Variants in SYN3 observed in about 807,000 individuals in gnomAD.
The protein encoded by SYN3 is synapsin III, also known as synapsin-3.
SYN3 carries 35 observed loss-of-function variants against 65.8 expected under a neutral mutation model. That is an observed-to-expected ratio of 0.53 (90% CI 0.41 to 0.70). The LOEUF is 0.70. SYN3 is among the 30% of genes least tolerant of loss of function. The pLI is 0.00. For synonymous variants in SYN3, 270 were observed against 292.9 expected (o/e 0.92, Z 0.80); for missense variants, 680 against 749.0 (o/e 0.91, Z 1.08).
intron 1 of SYN3, among the ~76,000 whole-genome samples, chr22:33,017,927 C>T (rs1295105579): frequency 6.6e-6 from 1 of 152,044 alleles, no homozygotes; most frequent in Non-Finnish European, 1.5e-5. Context: ...AAGCAAGGCA[C>T]ATTTGAAGAA....
chr22:33,010,927 A>T (rs976464671), intron 1 of SYN3, among the ~76,000 whole-genome samples: 2 of 152,286 alleles, frequency 1.3e-5, no homozygotes, highest in African/African-American at 2.4e-5. Flanking sequence ...TGCTAGTATA[A>T]TATTATTTTC....
intron 6 of SYN3, among the ~76,000 whole-genome samples, chr22:32,840,096 AG>A (rs916181041): frequency 6.6e-6 from 1 of 152,142 alleles, no homozygotes; most frequent in Non-Finnish European, 1.5e-5. Context: ...ATCTCTGGGC[AG>A]GGAGGTTTTC....
chr22:32,766,341 T>A lies in SYN3; in HGVS notation c.711+98574A>T, dbSNP rs892221445. Among the ~76,000 whole-genome samples the A allele has an allele frequency of 4.6e-5, 7 of 152,208 alleles. No homozygotes were observed. In the South Asian group the frequency reaches 1.4e-3, roughly 32 times the overall value. ...AGGAAGAAACATGTACAATTTTCTT[T>A]ACCAAGAAATTCCCAGCACTGGAAA... On this transcript the variant is annotated intron_variant, in intron 6 of 13. Transcript: ENST00000358763.
chr22:32,634,011 C>T (rs1455754354), intron 6 of SYN3, among the ~76,000 whole-genome samples: 4 of 152,132 alleles, frequency 2.6e-5, no homozygotes. Context: ...CATCAAGGGA[C>T]TGCCACTGGG....
rs576570816 is a variant in SYN3 at position 32,618,994 on chromosome 22, T to A, written c.712-22258A>T. On this transcript the variant is annotated intron_variant, in intron 6 of 13. Coordinates refer to ENST00000358763, the MANE Select transcript of SYN3 (RefSeq NM_003490.4). ...GACTGCAAAATAATAGAGAGGACTCTAAATGCAGGTGTTTCTACCTGTGAC... is the reference window on the plus strand; with the variant it reads ...GACTGCAAAATAATAGAGAGGACTCAAAATGCAGGTGTTTCTACCTGTGAC... Among the ~76,000 whole-genome samples the A allele has an allele frequency of 2.6e-5, 4 of 152,332 alleles. No individual in the cohort carries two copies. In the East Asian group the frequency reaches 7.7e-4, roughly 29 times the overall value.
intron 3 of SYN3, among the ~76,000 whole-genome samples, chr22:32,936,860 C>T (rs1483731153): frequency 6.6e-6 from 1 of 152,138 alleles, no homozygotes; most frequent in African/African-American, 2.4e-5. Context: ...AGTGAAAGTC[C>T]CATGTCTTGG....
chr22:33,034,025 G>A (rs9609685), intron 1 of SYN3, among the ~76,000 whole-genome samples: 28,110 of 151,326 alleles, frequency 0.19, 2,961 homozygotes, highest in East Asian at 0.41. Context: ...ATCTCTACTA[G>A]AAGTACAAAA....
chr22:32,696,017 C>A (rs146401364), intron 6 of SYN3, among the ~76,000 whole-genome samples: 1 of 152,320 alleles, frequency 6.6e-6, no homozygotes, highest in Non-Finnish European at 1.5e-5. Context: ...ATATTAGCTT[C>A]TGTAACAACT....
chr22:32,882,600 A>G (rs1223665935), intron 4 of SYN3, among the ~76,000 whole-genome samples: 1 of 152,116 alleles, frequency 6.6e-6, no homozygotes, highest in African/African-American at 2.4e-5. Context: ...AGCCTCTCCA[A>G]TGTCACACGG....
At chr22:33,041,862 C>A (rs544418468) in intron 1 of SYN3, among the ~76,000 whole-genome samples, 1 of 152,156 alleles carries the variant, frequency 6.6e-6, no homozygotes, top group African/African-American at 2.4e-5. Context: ...CCTCTCTCCC[C>A]CTGCCAAAGG....
At chr22:32,950,781 C>T (rs573811775) in intron 3 of SYN3, among the ~76,000 whole-genome samples, 10 of 152,230 alleles carry the variant, frequency 6.6e-5, no homozygotes, top group Admixed American at 4.6e-4. Context: ...CTAAGGGTAG[C>T]GAACCTGGGG....
At chr22:32,847,365 T>A (rs1055809904) in intron 6 of SYN3, among the ~76,000 whole-genome samples, 73 of 152,232 alleles carry the variant, frequency 4.8e-4, no homozygotes, top group African/African-American at 1.6e-3. Context: ...CAACCTCTCG[T>A]TTTTACAGCA....
chr22:32,788,256 A>G (rs2145865791), intron 6 of SYN3, among the ~76,000 whole-genome samples: 1 of 152,162 alleles, frequency 6.6e-6, no homozygotes, highest in South Asian at 2.1e-4. Flanking sequence ...AAAAACATGA[A>G]TTTGGCTGGG....
At chr22:32,709,243 T>C (rs1349024715) in intron 6 of SYN3, among the ~76,000 whole-genome samples, 2 of 152,202 alleles carry the variant, frequency 1.3e-5, no homozygotes, top group East Asian at 3.9e-4. Flanking sequence ...CTGCCTTCAT[T>C]CCAATGATTC....
chr22:32,569,565 C>CTATA (rs1190028295), intron 7 of SYN3, among the ~76,000 whole-genome samples: 112 of 56,338 alleles, frequency 2.0e-3, no homozygotes, highest in African/African-American at 2.7e-3. Flanking sequence ...CTCTCTCTCT[C>CTATA]TCTCTCTATA....
rs904639362 is a variant in SYN3, at chr22:32,741,386, T to C, written c.711+123529A>G. On this transcript the variant is annotated intron_variant, in intron 6 of 13. Transcript: ENST00000358763. ...TTTTTTTTTTTTTGAGACAGAGTCT[T>C]GCTCTGCCGCCCAGTCTGGAGTGCA... 8.9e-5 allele frequency among the ~76,000 whole-genome samples: 13 copies of C among 146,238 alleles called. No homozygotes were observed. The East Asian group carries it at 2.0e-3, about 23-fold the overall frequency.
intron 6 of SYN3, among the ~76,000 whole-genome samples, chr22:32,750,274 G>A (rs2045075352): frequency 6.6e-6 from 1 of 152,228 alleles, no homozygotes; most frequent in Non-Finnish European, 1.5e-5. Context: ...AGCCCTCTAT[G>A]AGAAAGCAGT....
intron 6 of SYN3, among the ~76,000 whole-genome samples, chr22:32,662,640 G>A (rs1013832168): frequency 4.6e-5 from 7 of 152,244 alleles, no homozygotes; most frequent in Admixed American, 2.6e-4. Context: ...TACTTCATAA[G>A]GCTGTCATTA....
At chr22:32,987,613 G>A (rs1261944811) in intron 2 of SYN3, among the ~76,000 whole-genome samples, 1 of 152,192 alleles carries the variant, frequency 6.6e-6, no homozygotes, top group Non-Finnish European at 1.5e-5. Flanking sequence ...CCTGTATGGG[G>A]ATCTGCGGAG....
Sources: gnomAD v4.1 joint callset for allele counts (sites outside exome capture counted in the v4.1 genomes callset) on GRCh38, gnomAD v4.1.1 for gene constraint, MANE v1.5 for transcripts, NCBI Gene and HGNC (gene_info 2026-07-23, HGNC 2026-07-21) for gene names.